The following F5 variants were observed in gnomAD, a reference collection of about 807,000 sequenced individuals.
F5 encodes the protein activated protein c cofactor.
F5 carries 138 observed loss-of-function variants against 216.4 expected under a neutral mutation model. The ratio of observed to expected loss-of-function variants is 0.64; its 90% CI spans 0.56 to 0.73. The LOEUF (loss-of-function observed/expected upper bound fraction) is 0.73. F5 is among the 30% of genes least tolerant of loss of function. The pLI, the probability that F5 is intolerant of heterozygous loss-of-function variation, is 0.00. For missense variants in F5, 2,403 were observed against 2,674.0 expected, an observed-to-expected ratio of 0.90 and a Z score of 2.24; for synonymous variants, 916 against 930.7, an observed-to-expected ratio of 0.98 and a Z score of 0.29.
chr1:169,523,469 G>A, intron 20 of F5, 117 bp from the exon 21 acceptor site: 6 of 1,203,910 alleles, frequency 5.0e-6, no homozygotes, highest in Non-Finnish European at 7.2e-6. Flanking sequence ...TAAGATCTTA[G>A]CAAACTGATA....
At chr1:169,551,647 C>T (rs1420430142) in intron 8 of F5, among the ~76,000 whole-genome samples, 1 of 152,248 alleles carries the variant, frequency 6.6e-6, no homozygotes, top group Non-Finnish European at 1.5e-5. Flanking sequence ...GTGCATAAAA[C>T]ACACAGGAGT....
chr1:169,560,844 G>A, intron 3 of F5, 78 bp from the exon 4 acceptor site: 2 of 1,271,852 alleles, frequency 1.6e-6, no homozygotes, highest in South Asian at 1.2e-5. Flanking sequence ...TCTGGGGATA[G>A]CTAAGATGAG....
At position 169,550,311 on chromosome 1, in the gene F5, G is replaced by A. The variant is rs1988608; in HGVS notation, c.1397-296C>T. ...CCACCCCCCCCCCCCGACAGGCCCCGGTGTGTGATGTTCCCCATCCTGTGT... is the reference window on the plus strand; with the variant it reads ...CCACCCCCCCCCCCCGACAGGCCCCAGTGTGTGATGTTCCCCATCCTGTGT... On this transcript the variant is annotated intron_variant, in intron 9 of 24. Coordinates refer to ENST00000367797, the MANE Select transcript of F5 (RefSeq NM_000130.5). Among the ~76,000 whole-genome samples, 30,631 of 90,794 alleles carry A rather than the reference G, an allele frequency of 0.34. 3,720 individuals are homozygous for A. The highest frequency in any genetic ancestry group is 0.48 in the Admixed American group (4,244 of 8,910). The allele number at this position is 90,794 out of a possible 152,430, so 59.6% of individuals were successfully genotyped here.
chr1:169,559,626 G>A (rs1309485633), intron 4 of F5, among the ~76,000 whole-genome samples: 1 of 152,040 alleles, frequency 6.6e-6, no homozygotes, highest in East Asian at 1.9e-4. Context: ...AGATACGTTA[G>A]CTCAGTTGGT....
chr1:169,578,425 C>G (rs1485651100), intron 2 of F5, among the ~76,000 whole-genome samples: 1 of 152,212 alleles, frequency 6.6e-6, no homozygotes, highest in Non-Finnish European at 1.5e-5. Flanking sequence ...TCTTCAAAAG[C>G]TATCCATGCC....
chr1:169,523,074 A>G, intron 21 of F5, 123 bp downstream of exon 21: 1 of 1,040,966 alleles, frequency 9.6e-7, no homozygotes, highest in Non-Finnish European at 1.5e-6. Flanking sequence ...ACCCTTAGAA[A>G]GCCATTCACA....
intron 22 of F5, among the ~76,000 whole-genome samples, chr1:169,519,243 G>C (rs1659229913): frequency 6.6e-6 from 1 of 151,620 alleles, no homozygotes; most frequent in African/African-American, 2.4e-5. Flanking sequence ...CTTTCTCCAT[G>C]AAAAAAACAA....
chr1:169,556,613 T>C (rs769063370), intron 6 of F5, 33 bp downstream of exon 6: 20 of 1,606,100 alleles, frequency 1.2e-5, no homozygotes, highest in East Asian at 2.2e-5. Context: ...GGATTCTGCA[T>C]TGAGAAGCAA....
At position 169,560,749 on chromosome 1, in the gene F5, G is replaced by T; in HGVS notation, c.391C>A (p.His131Asn). ...TCCATCTTCTCCGCAGGGAATGTGTGGTCAAGGTAAGAAGCACCTGGAGGA... is the reference window on the plus strand; with the variant it reads ...TCCATCTTCTCCGCAGGGAATGTGTTGTCAAGGTAAGAAGCACCTGGAGGA... ...KLSEGASYLD[H>N]TFPAEKMDDA... The change falls in exon 4 of 25, where the codon CAC (histidine) becomes AAC (asparagine). Residue 131 changes from histidine to asparagine, a missense_variant. By Grantham distance (68) the His-to-Asn change is moderately conservative. Around this residue, in one of 4 missense-constraint regions of F5, gnomAD observed 1,425 missense variants for 1,554.8 expected, o/e 0.92. Transcript: ENST00000367797. 1.9e-6 allele frequency: 3 copies of T among 1,612,132 alleles called. No individual in the cohort carries two copies. Among genetic ancestry groups the T allele is most frequent in the Non-Finnish European group, 2.5e-6 (3 of 1,179,540 alleles).
At chr1:169,521,933 A>T (rs1659320213) in intron 21 of F5, among the ~76,000 whole-genome samples, 1 of 151,938 alleles carries the variant, frequency 6.6e-6, no homozygotes, top group South Asian at 2.1e-4. Flanking sequence ...AGATTTTTTT[A>T]AAATCGACAA....
intron 17 of F5, among the ~76,000 whole-genome samples, chr1:169,527,409 G>C (rs980573498): frequency 6.6e-6 from 1 of 152,056 alleles, no homozygotes; most frequent in Non-Finnish European, 1.5e-5. Context: ...AAATACCTTT[G>C]TTATTCTTTA....
At chr1:169,583,777 G>GA (rs1037056069) in intron 1 of F5, among the ~76,000 whole-genome samples, 1 of 152,182 alleles carries the variant, frequency 6.6e-6, no homozygotes, top group Non-Finnish European at 1.5e-5. Flanking sequence ...GTGGAATACA[G>GA]AAACTGTGTT....
In F5 at chr1:169,530,972, T is replaced by C. The variant is rs6010; in HGVS notation, c.5022A>G (p.Gly1674=). 81,862 of 1,613,602 alleles carry C rather than the reference T, an allele frequency of 0.051. 3,322 individuals are homozygous for C. The highest frequency in any genetic ancestry group is 0.18 in the Admixed American group (10,515 of 59,982). Reference sequence around the variant, plus strand: ...CCTCTGATGATTTTTCATAGGAAAGTCCATGGGCATGTAGAGAATACGGTC... The same window carrying C: ...CCTCTGATGATTTTTCATAGGAAAGCCCATGGGCATGTAGAGAATACGGTC... ...ASRPYSLHAH[G]LSYEKSSEGK... The change falls in exon 15 of 25, where the codon GGA becomes GGG. Residue 1674 remains glycine (G), a synonymous_variant. Transcript: ENST00000367797.
At chr1:169,524,692 A>G in intron 19 of F5, 145 bp downstream of exon 19, 1 of 743,342 alleles carries the variant, frequency 1.3e-6, no homozygotes, top group Non-Finnish European at 2.4e-6. Flanking sequence ...TGTACCCCAA[A>G]TGGAGCTGCT....
rs200765676 is a variant in F5 at position 169,560,736 on chromosome 1, G to T, written c.404C>A (p.Ala135Glu). Residue 135 changes from alanine (A) to glutamate (E), a missense_variant, in exon 4 of 25, where the codon GCG becomes GAG. Coordinates refer to ENST00000367797, the MANE Select transcript of F5 (RefSeq NM_000130.5). ...AGCCACAGCGTCGTCCATCTTCTCC[G>T]CAGGGAATGTGTGGTCAAGGTAAGA... ...GASYLDHTFP[A>E]EKMDDAVAPG... 1.1e-5 allele frequency: 17 copies of T among 1,612,424 alleles called. No individual in the cohort carries two copies. The highest frequency in any genetic ancestry group is 1.4e-5 in the Non-Finnish European group (16 of 1,179,532).
rs141496611 is a variant in F5, at chr1:169,531,910, C to T, written c.4972-888G>A. On this transcript the variant is annotated intron_variant, in intron 14 of 24. Coordinates refer to ENST00000367797, the MANE Select transcript of F5 (RefSeq NM_000130.5). ...AGACACAATGAATAATGAAAACTAC[C>T]GGCCAATATCTCTGATGTACATAGA... Among the ~76,000 whole-genome samples the T allele has an allele frequency of 2.3e-3, 343 of 151,966 alleles. 2 individuals are homozygous for T. The highest frequency in any genetic ancestry group is 7.1e-3 in the African/African-American group (295 of 41,452).
chr1:169,544,257 A>G (rs773915691), intron 12 of F5, 39 bp downstream of exon 12: 25 of 1,586,942 alleles, frequency 1.6e-5, no homozygotes, highest in Non-Finnish European at 2.1e-5. Flanking sequence ...CAGAAATTCA[A>G]AGCAAGCTTC....
Position 169,556,425 on chromosome 1 carries a change from TAAAA to T in F5, c.952+217_952+220del, listed in dbSNP as rs61568675. Among the ~76,000 whole-genome samples, 14 of 58,912 alleles carry T rather than the reference TAAAA, an allele frequency of 2.4e-4. No individual in the cohort carries two copies. The South Asian group carries it at 7.9e-3, about 33-fold the overall frequency. The allele number at this position is 58,912 out of a possible 152,430, so 38.6% of individuals were successfully genotyped here. A position where few individuals can be genotyped will look rare whatever the true frequency, so the allele number is the denominator to read the frequency against. ...GAGATCTCTTTAGCTTTTGCTTAAT[TAAAA>T]AAAAAAAAAAAACCTTTGCCAATTC... is the stretch of plus-strand genomic sequence containing the variant. On this transcript the variant is annotated intron_variant, in intron 6 of 24. Coordinates refer to ENST00000367797, the MANE Select transcript of F5 (RefSeq NM_000130.5).
intron 22 of F5, 56 bp from the exon 23 acceptor site, chr1:169,518,619 CA>C (rs1429571536): frequency 3.2e-6 from 5 of 1,555,518 alleles, no homozygotes; most frequent in Non-Finnish European, 4.4e-6. Context: ...TGCATGGCTT[CA>C]TGCACTGCAG....
Sources: gnomAD v4.1 joint callset for allele counts (sites outside exome capture counted in the v4.1 genomes callset) on GRCh38, gnomAD v4.1.1 for gene constraint, gnomAD v4.1.1 regional missense constraint, MANE v1.5 for transcripts, NCBI Gene and HGNC (gene_info 2026-07-23, HGNC 2026-07-21) for gene names.